EPAS1: variants seen among roughly 807,000 people sequenced by gnomAD.
EPAS1 encodes endothelial PAS domain protein 1.
EPAS1 carries 23 observed loss-of-function variants against 87.9 expected under a neutral mutation model. That is an observed-to-expected ratio of 0.26 (90% CI 0.19 to 0.37). EPAS1 has a LOEUF of 0.37. Ranked by LOEUF, EPAS1 falls within the 10% of genes least tolerant of loss-of-function variation. The pLI, the probability that EPAS1 is intolerant of heterozygous loss-of-function variation, is 1.00. For missense variants in EPAS1, 1,138 were observed against 1,120.7 expected (o/e 1.02, Z -0.22); for synonymous variants, 508 against 444.3 (o/e 1.14, Z -1.80).
At position 46,382,520 on chromosome 2, in the gene EPAS1, A is replaced by G. The variant is rs1338081033; in HGVS notation, c.2383A>G (p.Ser795Gly). The G allele has an allele frequency of 1.2e-6, 2 of 1,614,166 alleles. No individual in the cohort carries two copies. Among genetic ancestry groups the G allele is most frequent in the Non-Finnish European group, 8.5e-7 (1 of 1,180,034 alleles). The change falls in exon 15 of 16, where the codon AGC becomes GGC. Residue 795 changes from serine to glycine, a missense_variant. Around this residue, in one of 4 missense-constraint regions of EPAS1, gnomAD observed 502 missense variants for 427.1 expected, o/e 1.18. Coordinates refer to ENST00000263734, the MANE Select transcript of EPAS1 (RefSeq NM_001430.5). ...ATCTGCCATCAGTCCCGGGGAGAAC[A>G]GCAAGAGCAGGTTCCCCCCACAGTG... ...PPSAISPGEN[S>G]KSRFPPQCYA...
intron 1 of EPAS1, among the ~76,000 whole-genome samples, chr2:46,303,878 G>A (rs1683058935): frequency 6.6e-6 from 1 of 152,164 alleles, no homozygotes; most frequent in South Asian, 2.1e-4. Context: ...GAAGAATGGG[G>A]AGGAGGAAGG....
At chr2:46,327,486 A>C (rs1444331795) in intron 1 of EPAS1, among the ~76,000 whole-genome samples, 1 of 152,220 alleles carries the variant, frequency 6.6e-6, no homozygotes, top group Non-Finnish European at 1.5e-5. Context: ...TTTAGACAGG[A>C]GCTCAGACTT....
chr2:46,350,500 G>A (rs188247715), intron 2 of EPAS1, among the ~76,000 whole-genome samples: 1 of 152,332 alleles, frequency 6.6e-6, no homozygotes, highest in East Asian at 1.9e-4. Flanking sequence ...TGCCGATTGA[G>A]ATTCGTATCA....
chr2:46,332,823 G>C (rs1473603318), intron 1 of EPAS1, among the ~76,000 whole-genome samples: 1 of 152,144 alleles, frequency 6.6e-6, no homozygotes, highest in East Asian at 1.9e-4. Flanking sequence ...TGTGAGGTGA[G>C]GGCTCTGGGC....
chr2:46,373,506 T>C (rs1354571477), intron 7 of EPAS1, among the ~76,000 whole-genome samples: 1 of 152,118 alleles, frequency 6.6e-6, no homozygotes, highest in Non-Finnish European at 1.5e-5. Flanking sequence ...ACATGCTGAG[T>C]GTAGAGAAGC....
chr2:46,381,087 C>G (rs1460394254), intron 12 of EPAS1: 2 of 368,020 alleles, frequency 5.4e-6, no homozygotes, highest in Non-Finnish European at 1.0e-5. Flanking sequence ...CCTGCCTCCC[C>G]TTGCCTTTTG....
At chr2:46,302,045 G>A (rs1683010958) in intron 1 of EPAS1, among the ~76,000 whole-genome samples, 1 of 151,446 alleles carries the variant, frequency 6.6e-6, no homozygotes, top group South Asian at 2.1e-4. Context: ...TACTGGGTTA[G>A]TTGGCATTTT....
chr2:46,356,343 C>T (rs749382811), intron 3 of EPAS1, 41 bp downstream of exon 3: 15 of 1,613,064 alleles, frequency 9.3e-6, no homozygotes. Context: ...AGAAATGTTT[C>T]CATTTGGGGG....
chr2:46,315,351 C>A (rs964555316), intron 1 of EPAS1, among the ~76,000 whole-genome samples: 12 of 152,122 alleles, frequency 7.9e-5, no homozygotes, highest in African/African-American at 2.4e-4. Flanking sequence ...GGGGTGCATA[C>A]TGTGGGACGG....
rs777767723 is a variant in EPAS1 at position 46,346,865 on chromosome 2, C to T, written c.27-8C>T. On this transcript the variant is annotated splice_polypyrimidine_tract_variant and splice_region_variant and intron_variant, in intron 1 of 15. Transcript: ENST00000263734. This position sits in a 1 kb window ranked among gnomAD's most constrained non-coding sequence, Gnocchi z 4.0. ...CTTTCCGGGACTAACCCCTTCTTCT[C>T]CACTTAGGAGTAGCTCGGAGAGGAG... is the stretch of plus-strand genomic sequence containing the variant. The T allele has an allele frequency of 1.2e-6, 2 of 1,614,158 alleles. No individual in the cohort carries two copies. Among genetic ancestry groups the T allele is most frequent in the East Asian group, 2.2e-5 (1 of 44,882 alleles).
rs370694867 is a variant in EPAS1 at position 46,317,515 on chromosome 2, C to T, written c.26+19578C>T. ...GTGCTGTCATCCAGGTTTTGTTGTT[C>T]CACTGATAGAGCACCAATAAAGTAG... On this transcript the variant is annotated intron_variant, in intron 1 of 15. Coordinates refer to ENST00000263734, the MANE Select transcript of EPAS1 (RefSeq NM_001430.5). Among the ~76,000 whole-genome samples the T allele has an allele frequency of 1.1e-4, 17 of 152,266 alleles. No individual in the cohort carries two copies. The South Asian group carries it at 2.1e-3, about 19-fold the overall frequency.
intron 1 of EPAS1, among the ~76,000 whole-genome samples, chr2:46,328,463 C>T (rs1014693764): frequency 3.9e-5 from 6 of 152,206 alleles, no homozygotes; most frequent in Non-Finnish European, 7.3e-5. Context: ...AACTCCCTGG[C>T]CTCAACCAGT....
At chr2:46,337,208 T>C (rs1273872840) in intron 1 of EPAS1, among the ~76,000 whole-genome samples, 1 of 152,128 alleles carries the variant, frequency 6.6e-6, no homozygotes, top group East Asian at 1.9e-4. Flanking sequence ...GAGTATGTGG[T>C]CTAGTTAGGG....
chr2:46,328,928 TAA>T (rs1008744383), intron 1 of EPAS1, among the ~76,000 whole-genome samples: 1 of 152,120 alleles, frequency 6.6e-6, no homozygotes, highest in Admixed American at 6.5e-5. Flanking sequence ...TTTTTGTTCA[TAA>T]AAAAAATTAT....
chr2:46,339,202 T>G (rs1277843006), intron 1 of EPAS1, among the ~76,000 whole-genome samples: 1 of 152,250 alleles, frequency 6.6e-6, no homozygotes, highest in African/African-American at 2.4e-5. Context: ...AGTATTAATT[T>G]ATAAATCCAA....
At position 46,384,701 on chromosome 2, in the gene EPAS1, C is replaced by T. The variant is rs201794727; in HGVS notation, c.*41C>T. ...TGGGCAGCACCTCTGCCGACGCCGT[C>T]CCACCAGCTTCACTCTCTCCGTCTG... On this transcript the variant is annotated 3_prime_UTR_variant, in exon 16 of 16. Coordinates refer to ENST00000263734, the MANE Select transcript of EPAS1 (RefSeq NM_001430.5). 1.2e-6 allele frequency: 2 copies of T among 1,607,336 alleles called. No homozygotes were observed. Among genetic ancestry groups the T allele is most frequent in the East Asian group, 4.5e-5 (2 of 44,752 alleles).
intron 15 of EPAS1, 33 bp downstream of exon 15, chr2:46,382,631 C>T (rs1365388890): frequency 6.2e-7 from 1 of 1,613,394 alleles, no homozygotes; most frequent in Non-Finnish European, 8.5e-7. Context: ...ACCCCCATCC[C>T]AGGATTCGAT....
chr2:46,378,725 C>G lies in EPAS1; in HGVS notation c.1512C>G (p.Leu504=). Residue 504 remains leucine, a synonymous_variant, in exon 11 of 16, where the codon CTC becomes CTG. Transcript: ENST00000263734. The part of the protein sequence containing the change: ...NDLKIEVIEK[L]FAMDTEAKDQ... Reference sequence around the variant, plus strand: ...TGAAGATTGAAGTGATTGAGAAGCTCTTCGCCATGGACACAGAGGCCAAGG... The same window carrying G: ...TGAAGATTGAAGTGATTGAGAAGCTGTTCGCCATGGACACAGAGGCCAAGG... 1.2e-6 allele frequency: 2 copies of G among 1,614,202 alleles called. No individual in the cohort carries two copies. Among genetic ancestry groups the G allele is most frequent in the Non-Finnish European group, 1.7e-6 (2 of 1,180,018 alleles).
chr2:46,330,071 T>A (rs889798327), intron 1 of EPAS1, among the ~76,000 whole-genome samples: 16 of 152,258 alleles, frequency 1.1e-4, no homozygotes, highest in East Asian at 5.8e-4. Context: ...TGATGCCACA[T>A]GTTTGTTGTA....
Sources: gnomAD v4.1 joint callset for allele counts (sites outside exome capture counted in the v4.1 genomes callset) on GRCh38, gnomAD v4.1.1 for gene constraint, gnomAD v4.1.1 regional missense constraint, Gnocchi (gnomAD v3.1) non-coding constraint, MANE v1.5 for transcripts, NCBI Gene and HGNC (gene_info 2026-07-23, HGNC 2026-07-21) for gene names.